Variants in GNG2 observed in about 807,000 individuals in gnomAD.
The protein encoded by GNG2 is guanine nucleotide-binding protein G(I)/G(S)/G(O) subunit gamma-2.
GNG2 carries 5 observed loss-of-function variants against 5.5 expected under a neutral mutation model. The observed-to-expected ratio is 0.91, with a 90% confidence interval of 0.48 to 1.92. The LOEUF (loss-of-function observed/expected upper bound fraction) is 1.92, where lower values mean the gene tolerates loss of function less well. Among genes scored for constraint, GNG2 ranks in the 30% most tolerant of loss-of-function variants. The probability of loss-of-function intolerance (pLI) is 0.01; values close to 1 mark genes in which losing one functional copy is unlikely to be tolerated. For synonymous variants in GNG2, 28 were observed against 32.0 expected (o/e 0.88, Z 0.42); for missense variants, 55 against 88.4 (o/e 0.62, Z 1.52).
At chr14:51,920,918 G>C (rs546193058) in intron 2 of GNG2, among the ~76,000 whole-genome samples, 1 of 152,280 alleles carries the variant, frequency 6.6e-6, no homozygotes, top group Non-Finnish European at 1.5e-5. Flanking sequence ...GAAGGGTGTG[G>C]TGTTTACACA....
At chr14:51,938,395 A>C (rs1036873989) in intron 2 of GNG2, among the ~76,000 whole-genome samples, 2 of 152,202 alleles carry the variant, frequency 1.3e-5, no homozygotes, top group Non-Finnish European at 2.9e-5. Context: ...TGCTCAATAA[A>C]CAGTGGTGGT....
intron 2 of GNG2, among the ~76,000 whole-genome samples, chr14:51,922,540 G>A (rs950854228): frequency 6.6e-6 from 1 of 152,060 alleles, no homozygotes; most frequent in Admixed American, 6.5e-5. Flanking sequence ...CCCTACCAGA[G>A]GCTATCCAAC....
intron 1 of GNG2, among the ~76,000 whole-genome samples, chr14:51,866,502 T>C (rs1473175668): frequency 6.6e-6 from 1 of 152,208 alleles, no homozygotes; most frequent in African/African-American, 2.4e-5. Context: ...ACGTCTTCCT[T>C]TATTTTAGAT....
chr14:51,954,662 G>A (rs528462963), intron 3 of GNG2, among the ~76,000 whole-genome samples: 1 of 152,162 alleles, frequency 6.6e-6, no homozygotes, highest in African/African-American at 2.4e-5. Flanking sequence ...AGGCCATTGA[G>A]AACTGCGAGT....
chr14:51,852,972 C>T (rs747762528), intron 2 of GNG2, among the ~76,000 whole-genome samples: 3 of 152,254 alleles, frequency 2.0e-5, no homozygotes, highest in Admixed American at 1.3e-4. Flanking sequence ...TCGGTAACTT[C>T]AGGGTCTTTC....
At chr14:51,927,746 G>C (rs1044168594) in intron 2 of GNG2, among the ~76,000 whole-genome samples, 1 of 152,178 alleles carries the variant, frequency 6.6e-6, no homozygotes, top group African/African-American at 2.4e-5. Flanking sequence ...GGGCTGGCAG[G>C]ATTTCTGTTC....
chr14:51,962,577 T>A (rs1879543396), intron 3 of GNG2, among the ~76,000 whole-genome samples: 1 of 152,194 alleles, frequency 6.6e-6, no homozygotes, highest in Non-Finnish European at 1.5e-5. Context: ...TTGCCTTTAT[T>A]TACAAAGTTA....
intron 2 of GNG2, among the ~76,000 whole-genome samples, chr14:51,837,888 C>T (rs1296928070): frequency 6.6e-6 from 1 of 152,076 alleles, no homozygotes; most frequent in Admixed American, 6.6e-5. Context: ...ATTTTTATCC[C>T]TCTGTATTGC....
chr14:51,914,396 T>C (rs1253685), intron 2 of GNG2: 63,945 of 633,636 alleles, frequency 0.1, 3,705 homozygotes, highest in African/African-American at 0.14. Flanking sequence ...TGAATCTTCT[T>C]GAAGGATCCT....
chr14:51,929,756 T>A (rs1279631330), intron 2 of GNG2, among the ~76,000 whole-genome samples: 1 of 152,102 alleles, frequency 6.6e-6, no homozygotes, highest in Non-Finnish European at 1.5e-5. Flanking sequence ...CCCTCTACCC[T>A]TGGTAGGGTG....
rs112644746 is a variant in GNG2 at position 51,884,298 on chromosome 14, T to C, written c.-30+6641T>C. Among the ~76,000 whole-genome samples the C allele has an allele frequency of 8.6e-4, 131 of 152,330 alleles. 1 individual carries two copies. Among genetic ancestry groups the C allele is most frequent in the Non-Finnish European group, 1.7e-3 (114 of 68,030 alleles). On this transcript the variant is annotated intron_variant, in intron 2 of 3. Transcript: ENST00000556766. ...GGTAGTGAGAACTACAGCTGAAGGA[T>C]GTTAATGTGTAGTTTTAGCCTCTGT...
chr14:51,882,623 A>C (rs950226125), intron 2 of GNG2, among the ~76,000 whole-genome samples: 1 of 152,212 alleles, frequency 6.6e-6, no homozygotes, highest in Non-Finnish European at 1.5e-5. Flanking sequence ...CACAGTAAAA[A>C]TTTGTTTTTA....
chr14:51,897,991 C>T (rs1278160869), intron 2 of GNG2, among the ~76,000 whole-genome samples: 1 of 152,190 alleles, frequency 6.6e-6, no homozygotes, highest in Non-Finnish European at 1.5e-5. Context: ...ATTTAACACC[C>T]CGTAACTGTT....
chr14:51,922,403 C>G (rs1212732307), intron 2 of GNG2, among the ~76,000 whole-genome samples: 6 of 152,170 alleles, frequency 3.9e-5, no homozygotes. Context: ...ACTAGAGTCT[C>G]TCAGTGTTTT....
chr14:51,909,263 A>T (rs1006824252), intron 2 of GNG2, among the ~76,000 whole-genome samples: 8 of 152,148 alleles, frequency 5.3e-5, no homozygotes, highest in African/African-American at 1.4e-4. Flanking sequence ...ATAAAATATG[A>T]ATCGTGTTTG....
At chr14:51,952,312 C>T (rs1332886119) in intron 3 of GNG2, among the ~76,000 whole-genome samples, 3 of 152,220 alleles carry the variant, frequency 2.0e-5, no homozygotes, top group Non-Finnish European at 4.4e-5. Flanking sequence ...CTTCTTTCTT[C>T]ATGACTGAGA....
intron 2 of GNG2, among the ~76,000 whole-genome samples, chr14:51,910,131 T>A (rs1886206436): frequency 6.6e-6 from 1 of 152,160 alleles, no homozygotes; most frequent in Admixed American, 6.5e-5. Context: ...TATACAATAA[T>A]ATAATCACAA....
intron 2 of GNG2, among the ~76,000 whole-genome samples, chr14:51,828,200 T>C (rs1241613096): frequency 6.6e-6 from 1 of 152,180 alleles, no homozygotes; most frequent in East Asian, 1.9e-4. Flanking sequence ...GGCTGCTTTG[T>C]GCTGGGCAGG....
intron 2 of GNG2, among the ~76,000 whole-genome samples, chr14:51,883,080 G>A (rs1249680753): frequency 2.0e-5 from 3 of 149,944 alleles, no homozygotes; most frequent in African/African-American, 7.3e-5. Context: ...TGAAATGAGA[G>A]CAAGGTAACA....
Sources: allele counts gnomAD v4.1 joint callset (sites outside exome capture counted in the v4.1 genomes callset), GRCh38; gene constraint gnomAD v4.1.1; transcripts MANE v1.5; gene names NCBI Gene and HGNC (gene_info 2026-07-23, HGNC 2026-07-21).